ATP2B2: variants seen among roughly 807,000 people sequenced by gnomAD.
ATP2B2 encodes ATPase plasma membrane Ca2+ transporting 2, also known as plasma membrane calcium-transporting ATPase 2.
ATP2B2 carries 15 observed loss-of-function variants against 120.0 expected under a neutral mutation model. The observed-to-expected ratio is 0.12, with a 90% confidence interval of 0.08 to 0.19. The LOEUF is 0.19. ATP2B2 is among the 10% of genes least tolerant of loss of function. The probability of loss-of-function intolerance (pLI) is 1.00; values close to 1 mark genes in which losing one functional copy is unlikely to be tolerated. For missense variants in ATP2B2, 1,045 were observed against 1,719.8 expected, an observed-to-expected ratio of 0.61 and a Z score of 6.94; for synonymous variants, 694 against 700.3, an observed-to-expected ratio of 0.99 and a Z score of 0.14.
At position 10,483,336 on chromosome 3, in the gene ATP2B2, G is replaced by A. The variant is rs191237399; in HGVS notation, c.-320+22129C>T. Among the ~76,000 whole-genome samples, 33 of 152,274 alleles carry A rather than the reference G, an allele frequency of 2.2e-4. 2 individuals are homozygous for A. Among genetic ancestry groups the A allele is most frequent in the Admixed American group, 1.6e-3 (24 of 15,304 alleles). On this transcript the variant is annotated intron_variant, in intron 1 of 22. Coordinates refer to ENST00000360273, the MANE Select transcript of ATP2B2 (RefSeq NM_001001331.4). The stretch of plus-strand genomic sequence containing the variant: ...CTCCTAAGGGAACCTGTCTTATTTC[G>A]CCTTCCCTCCAATCCTTCCTTCCTG...
rs528266739 is a variant in ATP2B2, at chr3:10,656,674, A to G, written c.-459-36713T>C. Among the ~76,000 whole-genome samples the G allele has an allele frequency of 5.3e-5, 8 of 152,320 alleles. No individual in the cohort carries two copies. In the East Asian group the frequency reaches 1.4e-3, roughly 26 times the overall value. The stretch of plus-strand genomic sequence containing the variant: ...CCTGACCTCACACAGCTCAAATTCT[A>G]GTGGAGAGATGCAAAATGGACAAGA... On this transcript the variant is annotated intron_variant, in intron 1 of 21. Coordinates refer to the ATP2B2 transcript ENST00000646379.
chr3:10,368,319 T>C (rs2061126506), intron 12 of ATP2B2, among the ~76,000 whole-genome samples: 1 of 152,110 alleles, frequency 6.6e-6, no homozygotes, highest in Non-Finnish European at 1.5e-5. Context: ...GTATGGGCCA[T>C]GGGACTGGAT....
rs1210461496 is a variant in ATP2B2 at position 10,544,255 on chromosome 3, G to A, written c.-414-10122C>T. ...AGGGAAAATTTCATCATTACCATCG[G>A]TGCAAAACCAGTGCCACTCACCACA... On this transcript the variant is annotated intron_variant, in intron 2 of 21. Coordinates refer to the ATP2B2 transcript ENST00000646379. Among the ~76,000 whole-genome samples the A allele has an allele frequency of 4.6e-5, 7 of 152,118 alleles. No homozygotes were observed. In the East Asian group the frequency reaches 1.2e-3, roughly 25 times the overall value.
At chr3:10,633,077 G>A (rs1361842842) in intron 1 of ATP2B2, among the ~76,000 whole-genome samples, 1 of 152,226 alleles carries the variant, frequency 6.6e-6, no homozygotes, top group African/African-American at 2.4e-5. Context: ...GGCTGGCTGG[G>A]AACAGGGGCC....
At chr3:10,683,758 GTGTATATATATATATATATATATATA>G (rs2071441998) in intron 1 of ATP2B2, among the ~76,000 whole-genome samples, 1 of 33,636 alleles carries the variant, frequency 3.0e-5, no homozygotes, top group South Asian at 1.2e-3. Context: ...ATGTGTGTGT[GTGTATATATATATATATATATATATA>G]TATATATATA....
chr3:10,411,291 A>AT (rs2062602090), intron 2 of ATP2B2, among the ~76,000 whole-genome samples: 1 of 152,164 alleles, frequency 6.6e-6, no homozygotes, highest in Admixed American at 6.5e-5. Context: ...GCAAGGAAGG[A>AT]TTGTTCCCTG....
At chr3:10,356,275 C>G (rs1247087743) in intron 14 of ATP2B2, among the ~76,000 whole-genome samples, 2 of 151,948 alleles carry the variant, frequency 1.3e-5, no homozygotes, top group Non-Finnish European at 2.9e-5. Context: ...ATCACTGTCC[C>G]CCTTTGGGCT....
At chr3:10,604,843 T>C (rs1279763625) in intron 2 of ATP2B2, among the ~76,000 whole-genome samples, 1 of 152,208 alleles carries the variant, frequency 6.6e-6, no homozygotes, top group African/African-American at 2.4e-5. Flanking sequence ...CCTACTTTTT[T>C]CACAGCTCGT....
intron 2 of ATP2B2, among the ~76,000 whole-genome samples, chr3:10,614,837 T>G (rs2069339979): frequency 6.6e-6 from 1 of 152,234 alleles, no homozygotes; most frequent in Admixed American, 6.5e-5. Flanking sequence ...CAGTACCAAG[T>G]AGACCTCTAG....
intron 1 of ATP2B2, among the ~76,000 whole-genome samples, chr3:10,669,802 A>G (rs892568313): frequency 6.6e-6 from 1 of 152,080 alleles, no homozygotes; most frequent in Non-Finnish European, 1.5e-5. Flanking sequence ...TGCCACACTT[A>G]TGTACTCTGA....
chr3:10,472,143 G>A (rs560620026), intron 1 of ATP2B2, among the ~76,000 whole-genome samples: 63 of 151,658 alleles, frequency 4.2e-4, no homozygotes, highest in Non-Finnish European at 6.6e-4. Context: ...AGGGAGGGAC[G>A]CAGAGACAGA....
intron 2 of ATP2B2, among the ~76,000 whole-genome samples, chr3:10,584,290 C>A (rs1425466179): frequency 1.3e-5 from 2 of 152,168 alleles, no homozygotes; most frequent in Non-Finnish European, 2.9e-5. Context: ...GCTATGGAGG[C>A]ATTTCCTGCA....
chr3:10,642,605 C>A (rs1160288046), intron 1 of ATP2B2, among the ~76,000 whole-genome samples: 2 of 151,958 alleles, frequency 1.3e-5, no homozygotes, highest in African/African-American at 4.8e-5. Flanking sequence ...TCAAAATCAT[C>A]CATTTCTATG....
intron 3 of ATP2B2, among the ~76,000 whole-genome samples, chr3:10,404,230 G>A (rs1190921211): frequency 3.9e-5 from 6 of 152,112 alleles, no homozygotes; most frequent in Non-Finnish European, 7.4e-5. Context: ...CGTTCCCTTC[G>A]GGCCAGTAAA....
At chr3:10,525,535 C>T (rs1201013332) in intron 3 of ATP2B2, among the ~76,000 whole-genome samples, 1 of 152,126 alleles carries the variant, frequency 6.6e-6, no homozygotes, top group Non-Finnish European at 1.5e-5. Flanking sequence ...CTAACACCCG[C>T]ACTTTATTCA....
rs935987344 is a variant in ATP2B2, at chr3:10,570,566, A to C, written c.-414-36433T>G. ...AATGAAATATTTATCAAAATATCTC[A>C]GTTGATTTTTCCCTCGTAATTAAGG... On this transcript the variant is annotated intron_variant, in intron 2 of 21. Coordinates refer to the ATP2B2 transcript ENST00000646379. 1.3e-4 allele frequency among the ~76,000 whole-genome samples: 20 copies of C among 152,354 alleles called. No homozygotes were observed. In the East Asian group the frequency reaches 3.9e-3, roughly 29 times the overall value.
chr3:10,694,973 C>T (rs1181241309), intron 1 of ATP2B2, among the ~76,000 whole-genome samples: 2 of 151,936 alleles, frequency 1.3e-5, no homozygotes, highest in African/African-American at 2.4e-5. Context: ...GTTGTGGCTG[C>T]TTGTGATTAA....
intron 1 of ATP2B2, among the ~76,000 whole-genome samples, chr3:10,484,617 G>A (rs58135084): frequency 0.012 from 1,792 of 152,194 alleles, 36 homozygotes; most frequent in African/African-American, 0.04. Flanking sequence ...GTCTCTGCAC[G>A]TCCCAGCCCT....
intron 1 of ATP2B2, among the ~76,000 whole-genome samples, chr3:10,452,049 CAG>C (rs2064075249): frequency 6.6e-6 from 1 of 152,250 alleles, no homozygotes; most frequent in Admixed American, 6.5e-5. Flanking sequence ...GAAAAGCAAA[CAG>C]ACACTGTCTC....
Sources: gnomAD v4.1 joint callset for allele counts (sites outside exome capture counted in the v4.1 genomes callset) on GRCh38, gnomAD v4.1.1 for gene constraint, MANE v1.5 for transcripts, NCBI Gene and HGNC (gene_info 2026-07-23, HGNC 2026-07-21) for gene names.